Variants in ATP9B observed in about 807,000 individuals in gnomAD.
ATP9B encodes probable phospholipid-transporting ATPase IIB.
Under a neutral mutation model 146.1 loss-of-function variants are expected in ATP9B, and 110 were observed. The ratio of observed to expected loss-of-function variants is 0.75; its 90% confidence interval spans 0.65 to 0.88. The LOEUF is 0.88. Among genes scored for constraint, ATP9B ranks in the 40% least tolerant of loss-of-function variants. The pLI is 0.00. For synonymous variants in ATP9B, 604 were observed against 569.7 expected (o/e 1.06, Z -0.86); for missense variants, 1,499 against 1,496.4 (o/e 1.00, Z -0.03).
chr18:79,220,776 A>G (rs2148482673), intron 11 of ATP9B, among the ~76,000 whole-genome samples: 1 of 152,336 alleles, frequency 6.6e-6, no homozygotes, highest in South Asian at 2.1e-4. Context: ...TTTAATAAAT[A>G]CCACATTTAT....
intron 20 of ATP9B, chr18:79,343,848 A>G (rs1310549451): frequency 3.8e-6 from 1 of 264,466 alleles, no homozygotes; most frequent in Admixed American, 5.3e-5. Context: ...CTGTTAAATA[A>G]TCACCTCGTG....
chr18:79,083,688 C>T (rs199810682), intron 1 of ATP9B, among the ~76,000 whole-genome samples: 5 of 152,152 alleles, frequency 3.3e-5, no homozygotes, highest in East Asian at 3.9e-4. Flanking sequence ...TTGTGCTTCC[C>T]GGGTGAGGCG....
intron 6 of ATP9B, chr18:79,147,059 T>G (rs1436132638): frequency 6.6e-6 from 1 of 152,226 alleles, no homozygotes; most frequent in Non-Finnish European, 1.5e-5. Flanking sequence ...GGAGCTATGT[T>G]AATGTCCAAG....
chr18:79,159,727 G>A lies in ATP9B; in HGVS notation c.778+5172G>A, dbSNP rs576864121. The stretch of plus-strand genomic sequence containing the variant: ...AGCACACCTATCTAGCTACCATCCC[G>A]TCTCTGTCCTTTGCTTTGCAGCCAA... On this transcript the variant is annotated intron_variant, in intron 7 of 29. Coordinates refer to ENST00000426216, the MANE Select transcript of ATP9B (RefSeq NM_198531.5). Among the ~76,000 whole-genome samples, 8 of 152,150 alleles carry A rather than the reference G, an allele frequency of 5.3e-5. No individual in the cohort carries two copies. In the South Asian group the frequency reaches 6.2e-4, roughly 12 times the overall value.
Position 79,327,609 on chromosome 18 carries a change from G to A in ATP9B, c.1774-1532G>A, listed in dbSNP as rs111432429. Among the ~76,000 whole-genome samples, 46 of 134,968 alleles carry A rather than the reference G, an allele frequency of 3.4e-4. 3 individuals are homozygous for A. Among genetic ancestry groups the A allele is most frequent in the Middle Eastern group, 9.2e-3 (2 of 218 alleles). 88.5% of individuals were successfully genotyped at this position (134,968 alleles called of 152,430 possible). A position where few individuals can be genotyped will look rare whatever the true frequency, so the allele number is the denominator to read the frequency against. ...GTGGTTAACGTGCCCTCCGTGGTTAGCGTGCCCTCCCTGGTTAGTGTGCCC... is the reference window on the plus strand; with the variant it reads ...GTGGTTAACGTGCCCTCCGTGGTTAACGTGCCCTCCCTGGTTAGTGTGCCC... On this transcript the variant is annotated intron_variant, in intron 15 of 29. Coordinates refer to ENST00000426216, the MANE Select transcript of ATP9B (RefSeq NM_198531.5).
At chr18:79,258,848 C>A (rs1354085829) in intron 12 of ATP9B, among the ~76,000 whole-genome samples, 1 of 152,124 alleles carries the variant, frequency 6.6e-6, no homozygotes, top group African/African-American at 2.4e-5. Flanking sequence ...GGATGAGAAC[C>A]GTTGATGTCA....
At chr18:79,290,783 G>A (rs569051891) in intron 13 of ATP9B, among the ~76,000 whole-genome samples, 1 of 152,190 alleles carries the variant, frequency 6.6e-6, no homozygotes, top group African/African-American at 2.4e-5. Flanking sequence ...TTCTTGTAAG[G>A]TCTAAGTAAG....
rs201591038 is a variant in ATP9B, at chr18:79,336,644, G to A, written c.2045G>A (p.Arg682His). ...CTTTTCCAGTGCGGAAACATGGCTC[G>A]CGAAGGACTGCGGACCCTCGTGGTT... ...WLEEECGNMAREGLRTLVVAK... is the reference protein window; with the variant it reads ...WLEEECGNMAHEGLRTLVVAK... Residue 682 changes from arginine to histidine, a missense_variant, in exon 18 of 30, where the codon CGC becomes CAC. Physicochemically the swap from Arg to His is conservative, Grantham distance 29. Coordinates refer to ENST00000426216, the MANE Select transcript of ATP9B (RefSeq NM_198531.5). The A allele has an allele frequency of 7.8e-6, 12 of 1,534,040 alleles. No homozygotes were observed. The highest frequency in any genetic ancestry group is 2.4e-5 in the East Asian group (1 of 41,184).
intron 8 of ATP9B, among the ~76,000 whole-genome samples, chr18:79,183,710 G>A (rs1600241848): frequency 6.8e-6 from 1 of 146,054 alleles, no homozygotes; most frequent in Non-Finnish European, 1.5e-5. Context: ...TAAATAATTA[G>A]TTTTAAAATA....
chr18:79,224,561 G>A (rs1336605931), intron 11 of ATP9B, among the ~76,000 whole-genome samples: 1 of 152,212 alleles, frequency 6.6e-6, no homozygotes, highest in African/African-American at 2.4e-5. Context: ...GATTCCCTTT[G>A]TGGCTACCAT....
chr18:79,328,349 C>G (rs887439239), intron 15 of ATP9B, among the ~76,000 whole-genome samples: 1 of 152,202 alleles, frequency 6.6e-6, no homozygotes, highest in South Asian at 2.1e-4. Flanking sequence ...ATACTATTCA[C>G]AAATTATTAA....
chr18:79,129,285 T>C (rs1338089106), intron 5 of ATP9B, among the ~76,000 whole-genome samples: 1 of 152,068 alleles, frequency 6.6e-6, no homozygotes, highest in Non-Finnish European at 1.5e-5. Context: ...CCCCTGTGTA[T>C]GCTGGGGAAT....
At chr18:79,313,569 G>T (rs2096664026) in intron 15 of ATP9B, among the ~76,000 whole-genome samples, 1 of 152,138 alleles carries the variant, frequency 6.6e-6, no homozygotes, top group South Asian at 2.1e-4. Flanking sequence ...TAAAAATACT[G>T]TATTACATAT....
chr18:79,362,765 A>G (rs1052194912), intron 26 of ATP9B: 2 of 152,250 alleles, frequency 1.3e-5, no homozygotes, highest in Non-Finnish European at 2.9e-5. Context: ...TTTGTTACCA[A>G]TTCATAATCT....
chr18:79,240,841 C>A (rs909792802), intron 11 of ATP9B, among the ~76,000 whole-genome samples: 1 of 152,170 alleles, frequency 6.6e-6, no homozygotes, highest in Non-Finnish European at 1.5e-5. Flanking sequence ...GCCCTGGGAA[C>A]CTTGGCATTT....
intron 12 of ATP9B, among the ~76,000 whole-genome samples, chr18:79,272,816 G>A (rs1307147744): frequency 6.6e-6 from 1 of 152,178 alleles, no homozygotes; most frequent in African/African-American, 2.4e-5. Flanking sequence ...AATGACCATG[G>A]CACTCTACAG....
At chr18:79,371,768 G>A (rs1406828151) in intron 26 of ATP9B, among the ~76,000 whole-genome samples, 1 of 152,076 alleles carries the variant, frequency 6.6e-6, no homozygotes, top group Non-Finnish European at 1.5e-5. Flanking sequence ...CTGAGCTTCC[G>A]TGAGGGTTTG....
intron 4 of ATP9B, among the ~76,000 whole-genome samples, chr18:79,118,806 G>T (rs930551144): frequency 6.6e-6 from 1 of 151,812 alleles, no homozygotes; most frequent in Non-Finnish European, 1.5e-5. Flanking sequence ...CTGGGTGCTC[G>T]TACCAGTAAT....
intron 4 of ATP9B, among the ~76,000 whole-genome samples, chr18:79,114,385 G>A (rs759847905): frequency 6.6e-6 from 1 of 152,186 alleles, no homozygotes; most frequent in Non-Finnish European, 1.5e-5. Context: ...TTCCACATGA[G>A]TTGTGGCCTT....
Sources: gnomAD v4.1 joint callset for allele counts (sites outside exome capture counted in the v4.1 genomes callset) on GRCh38, gnomAD v4.1.1 for gene constraint, MANE v1.5 for transcripts, NCBI Gene and HGNC (gene_info 2026-07-23, HGNC 2026-07-21) for gene names.